The following CNMD variants were observed in gnomAD, a reference collection of about 807,000 sequenced individuals.
CNMD encodes leukocyte cell-derived chemotaxin 1.
Under a neutral mutation model 37.5 loss-of-function variants are expected in CNMD, and 30 were observed. The observed-to-expected ratio is 0.80, with a 90% CI of 0.60 to 1.09. The LOEUF (loss-of-function observed/expected upper bound fraction) is 1.09, where lower values mean the gene tolerates loss of function less well. CNMD is among the 50% of genes least tolerant of loss of function. CNMD has a pLI of 0.00. For synonymous variants in CNMD, 167 were observed against 148.2 expected (o/e 1.13, Z -0.92); for missense variants, 398 against 423.9 (o/e 0.94, Z 0.54).
intron 4 of CNMD, among the ~76,000 whole-genome samples, chr13:52,715,164 T>A (rs556002556): frequency 3.2e-4 from 49 of 152,298 alleles, no homozygotes; most frequent in African/African-American, 9.6e-4. Flanking sequence ...TTAGTTTTTT[T>A]AAAAATGTAT....
intron 4 of CNMD, among the ~76,000 whole-genome samples, chr13:52,720,954 A>G (rs1164596492): frequency 2.0e-5 from 3 of 152,188 alleles, no homozygotes; most frequent in African/African-American, 7.2e-5. Flanking sequence ...AGTTTTATCT[A>G]TAAGCCCGAC....
chr13:52,716,735 G>T (rs1028714361), intron 4 of CNMD, among the ~76,000 whole-genome samples: 7 of 152,272 alleles, frequency 4.6e-5, no homozygotes, highest in Non-Finnish European at 5.9e-5. Flanking sequence ...GTACCATGCT[G>T]TTTTGGTTAC....
intron 3 of CNMD, among the ~76,000 whole-genome samples, chr13:52,725,907 A>T (rs1241404085): frequency 1.3e-5 from 2 of 152,252 alleles, no homozygotes; most frequent in Non-Finnish European, 2.9e-5. Context: ...TCACAGAGCC[A>T]GGAGCCCTAC....
At position 52,712,701 on chromosome 13, in the gene CNMD, A is replaced by G; in HGVS notation, c.622+15T>C. The stretch of plus-strand genomic sequence containing the variant: ...GGGAAAGTTGTAAACAGCTTAAGAT[A>G]ATTTAAAATGTTACCTTTTGGATAG... On this transcript the variant is annotated intron_variant, in intron 5 of 6. Coordinates refer to ENST00000377962, the MANE Select transcript of CNMD (RefSeq NM_007015.3). The G allele has an allele frequency of 2.0e-6, 3 of 1,475,080 alleles. No individual in the cohort carries two copies. The highest frequency in any genetic ancestry group is 2.7e-6 in the Non-Finnish European group (3 of 1,110,404). The allele number at this position is 1,475,080 out of a possible 1,614,324, so 91.4% of individuals were successfully genotyped here.
At chr13:52,725,556 C>T (rs1321180090) in intron 3 of CNMD, among the ~76,000 whole-genome samples, 1 of 152,214 alleles carries the variant, frequency 6.6e-6, no homozygotes, top group African/African-American at 2.4e-5. Flanking sequence ...ATTCTACCCA[C>T]AGAGGACATG....
At chr13:52,735,047 A>G (rs1337786880) in intron 2 of CNMD, among the ~76,000 whole-genome samples, 1 of 150,880 alleles carries the variant, frequency 6.6e-6, no homozygotes, top group Non-Finnish European at 1.5e-5. Flanking sequence ...AAGAACTTAG[A>G]TGTCTGCAAT....
chr13:52,722,450 T>C (rs1964500092), intron 4 of CNMD, among the ~76,000 whole-genome samples: 1 of 152,176 alleles, frequency 6.6e-6, no homozygotes, highest in Admixed American at 6.5e-5. Context: ...ATGATCATAA[T>C]AAAATTAACA....
intron 3 of CNMD, among the ~76,000 whole-genome samples, chr13:52,732,157 C>T (rs1480273518): frequency 6.6e-6 from 1 of 152,138 alleles, no homozygotes; most frequent in African/African-American, 2.4e-5. Context: ...GCATCTTTAG[C>T]TTTTCTCATC....
intron 4 of CNMD, among the ~76,000 whole-genome samples, chr13:52,723,795 G>A (rs996603590): frequency 6.6e-6 from 1 of 152,154 alleles, no homozygotes; most frequent in Admixed American, 6.5e-5. Context: ...GTTGGATGTG[G>A]TGGTGTCCCT....
In CNMD at chr13:52,712,741, G is replaced by C; in HGVS notation, c.597C>G (p.Phe199Leu). The change falls in exon 5 of 7, where the codon TTC becomes TTG. Residue 199 changes from phenylalanine to leucine, a missense_variant. Phe to Leu is a conservative substitution (Grantham distance 22). Coordinates refer to ENST00000377962, the MANE Select transcript of CNMD (RefSeq NM_007015.3). ...VLELCGDLPI[F>L]WLKPTYPKEI... The stretch of plus-strand genomic sequence containing the variant: ...CTTTTGGATAGGTTGGTTTAAGCCA[G>C]AAAATAGGAAGGTCACCGCAGAGTT... 1 of 1,529,800 alleles carries C rather than the reference G, an allele frequency of 6.5e-7. No individual in the cohort carries two copies. The highest frequency in any genetic ancestry group is 8.8e-7 in the Non-Finnish European group (1 of 1,138,758). 94.8% of individuals were successfully genotyped at this position (1,529,800 alleles called of 1,614,324 possible). A position where few individuals can be genotyped will look rare whatever the true frequency, so the allele number is the denominator to read the frequency against.
At chr13:52,728,094 A>G (rs1295677895) in intron 3 of CNMD, among the ~76,000 whole-genome samples, 1 of 152,192 alleles carries the variant, frequency 6.6e-6, no homozygotes, top group Non-Finnish European at 1.5e-5. Flanking sequence ...AAGGCAAATT[A>G]AAAAATCACC....
At chr13:52,735,983 C>A (rs1964753808) in intron 2 of CNMD, among the ~76,000 whole-genome samples, 1 of 151,870 alleles carries the variant, frequency 6.6e-6, no homozygotes, top group Admixed American at 6.6e-5. Context: ...GCATGCGCCA[C>A]CACGCCCAGC....
intron 3 of CNMD, among the ~76,000 whole-genome samples, chr13:52,730,723 G>C (rs1964652021): frequency 6.6e-6 from 1 of 152,044 alleles, no homozygotes; most frequent in African/African-American, 2.4e-5. Context: ...CAGTCCAAGG[G>C]GGTTGGCTTA....
intron 3 of CNMD, among the ~76,000 whole-genome samples, chr13:52,729,344 G>GT (rs1594288064): frequency 6.6e-6 from 1 of 152,284 alleles, no homozygotes; most frequent in East Asian, 1.9e-4. Flanking sequence ...AAAAAAACCT[G>GT]TTTGTAAATA....
chr13:52,725,209 T>C (rs1964552048), intron 3 of CNMD, among the ~76,000 whole-genome samples: 1 of 152,238 alleles, frequency 6.6e-6, no homozygotes, highest in Admixed American at 6.5e-5. Flanking sequence ...TACTCAGCTA[T>C]ACACAGCCTA....
chr13:52,735,977 G>C (rs1484286922), intron 2 of CNMD, among the ~76,000 whole-genome samples: 3 of 149,810 alleles, frequency 2.0e-5, no homozygotes, highest in Non-Finnish European at 3.0e-5. Flanking sequence ...CTACAGGCAT[G>C]CGCCACCACG....
intron 2 of CNMD, among the ~76,000 whole-genome samples, chr13:52,738,295 G>C (rs1286042554): frequency 6.6e-6 from 1 of 152,158 alleles, no homozygotes; most frequent in South Asian, 2.1e-4. Context: ...CTGGAGCTCT[G>C]CCCAGTCAAC....
chr13:52,711,501 C>T (rs1224213557), intron 5 of CNMD, among the ~76,000 whole-genome samples: 2 of 152,162 alleles, frequency 1.3e-5, no homozygotes, highest in African/African-American at 2.4e-5. Context: ...TCTTACTGAG[C>T]CTGCATGTGG....
intron 3 of CNMD, among the ~76,000 whole-genome samples, chr13:52,729,364 A>G (rs1183730952): frequency 6.6e-6 from 1 of 152,242 alleles, no homozygotes; most frequent in Admixed American, 6.5e-5. Flanking sequence ...ATCAGTGTCT[A>G]GAACCCAGTG....
Sources: allele counts gnomAD v4.1 joint callset (sites outside exome capture counted in the v4.1 genomes callset), GRCh38; gene constraint gnomAD v4.1.1; transcripts MANE v1.5; gene names NCBI Gene and HGNC (gene_info 2026-07-23, HGNC 2026-07-21).